The following ZAN variants were observed in gnomAD, a reference collection of about 807,000 sequenced individuals.
The protein encoded by ZAN is zonadhesin (gene/pseudogene).
Under a neutral mutation model 286.2 loss-of-function variants are expected in ZAN, and 260 were observed. That is an observed-to-expected ratio of 0.91 (90% confidence interval 0.82 to 1.01). The LOEUF is 1.01. Among genes scored for constraint, ZAN ranks in the 50% least tolerant of loss-of-function variants. The pLI, the probability that ZAN is intolerant of heterozygous loss-of-function variation, is 0.00. For synonymous variants in ZAN, 1,368 were observed against 1,417.5 expected (o/e 0.97, Z 0.79); for missense variants, 3,410 against 3,639.2 (o/e 0.94, Z 1.62).
intron 34 of ZAN, among the ~76,000 whole-genome samples, chr7:100,777,316 T>A (rs1203048493): frequency 1.3e-5 from 2 of 151,418 alleles, no homozygotes; most frequent in Non-Finnish European, 1.5e-5. Context: ...AAGTGCTGGG[T>A]AATCATGAGC....
chr7:100,771,765 A>G (rs960793049), intron 28 of ZAN, 79 bp from the exon 29 acceptor site: 13 of 1,457,794 alleles, frequency 8.9e-6, no homozygotes, highest in Non-Finnish European at 1.2e-5. Flanking sequence ...GTGGATGTCG[A>G]ATCAGCCCCA....
In ZAN at chr7:100,736,914, CCCA is replaced by C. The variant is rs775600135; in HGVS notation, c.364_366del (p.His122del). 53 of 1,494,784 alleles carry C rather than the reference CCCA, an allele frequency of 3.5e-5. 11 individuals are homozygous for C. Among genetic ancestry groups the C allele is most frequent in the Non-Finnish European group, 4.5e-5 (49 of 1,093,586 alleles). The allele number at this position is 1,494,784 out of a possible 1,614,324, so 92.6% of individuals were successfully genotyped here. ...CAAGGCCCCCTCTGTGTGCACTTTG[CCCA>C]CCACATGTTCGGGCTGTCTTGGGGC... On this transcript the variant is annotated inframe_deletion, in exon 5 of 48. Coordinates refer to ENST00000613979, the MANE Select transcript of ZAN (RefSeq NM_003386.3).
At position 100,779,713 on chromosome 7, in the gene ZAN, G is replaced by A. The variant is rs1562949799; in HGVS notation, c.6585G>A (p.Gly2195=). Residue 2195 remains glycine (G), a synonymous_variant, in exon 35 of 48, where the codon GGG becomes GGA. Coordinates refer to ENST00000613979, the MANE Select transcript of ZAN (RefSeq NM_003386.3). Reference sequence around the variant, plus strand: ...TCGGGGCCACCTGCCAGAGCCAGGGGCTCAAGCCCCCACTCTGGAGAAACA... The same window carrying A: ...TCGGGGCCACCTGCCAGAGCCAGGGACTCAAGCCCCCACTCTGGAGAAACA... ...QAFGATCQSQ[G]LKPPLWRNSS... 2 of 1,557,054 alleles carry A rather than the reference G, an allele frequency of 1.3e-6. No homozygotes were observed. Among genetic ancestry groups the A allele is most frequent in the African/African-American group, 2.7e-5 (2 of 73,336 alleles).
chr7:100,785,486 CT>C (rs932357307), intron 36 of ZAN, among the ~76,000 whole-genome samples: 1 of 151,948 alleles, frequency 6.6e-6, no homozygotes, highest in African/African-American at 2.4e-5. Flanking sequence ...CCGCCTTGGC[CT>C]CCCAAAGTAC....
rs1422784416 is a variant in ZAN at position 100,737,029 on chromosome 7, C to T, written c.474C>T (p.Ser158=). Residue 158 remains serine (S), a synonymous_variant, in exon 5 of 48, where the codon TCC becomes TCT. Transcript: ENST00000613979. ...AACACTGGAACACCCAGAGACCCTC[C>T]TGGATGCTCACCACCGTCACTGTGC... The part of the protein sequence containing the change: ...LWKHWNTQRP[S]WMLTTVTVPA... 2.0e-6 allele frequency: 3 copies of T among 1,499,690 alleles called. 1 individual carries two copies. Among genetic ancestry groups the T allele is most frequent in the South Asian group, 1.2e-5 (1 of 85,870 alleles). 92.9% of individuals were successfully genotyped at this position (1,499,690 alleles called of 1,614,324 possible).
chr7:100,756,428 CAAAA>C (rs111465837), intron 15 of ZAN, among the ~76,000 whole-genome samples: 1 of 141,908 alleles, frequency 7.0e-6, no homozygotes, highest in Admixed American at 7.2e-5. Context: ...CACCCTGTCT[CAAAA>C]AAAAAAAAAG....
intron 45 of ZAN, among the ~76,000 whole-genome samples, chr7:100,796,346 C>T (rs1279658278): frequency 6.6e-6 from 1 of 150,978 alleles, no homozygotes; most frequent in African/African-American, 2.4e-5. Context: ...GACGGGGTAA[C>T]TTGTGTACAT....
intron 25 of ZAN, among the ~76,000 whole-genome samples, chr7:100,767,562 A>G (rs1456496109): frequency 7.9e-6 from 1 of 126,564 alleles, no homozygotes; most frequent in Non-Finnish European, 1.6e-5. Context: ...TGTGGCCTTG[A>G]CCCCCTGGGC....
chr7:100,734,672 G>T lies in ZAN; in HGVS notation c.53+451G>T, dbSNP rs1257606538. On this transcript the variant is annotated intron_variant, in intron 2 of 47. Coordinates refer to ENST00000613979, the MANE Select transcript of ZAN (RefSeq NM_003386.3). ...TGAGAGGAAGGGGGAAACCCGGTGG[G>T]ATGGAAATGGGTTGACCTTGACTGC... is the stretch of plus-strand genomic sequence containing the variant. Among the ~76,000 whole-genome samples the T allele has an allele frequency of 1.4e-5, 2 of 140,154 alleles. 1 individual carries two copies. Among genetic ancestry groups the T allele is most frequent in the Non-Finnish European group, 3.2e-5 (2 of 62,662 alleles). 91.9% of individuals were successfully genotyped at this position (140,154 alleles called of 152,430 possible).
In ZAN at chr7:100,765,514, C is replaced by T. The variant is rs534678287; in HGVS notation, c.4430C>T (p.Ser1477Phe). 110 of 1,610,728 alleles carry T rather than the reference C, an allele frequency of 6.8e-5. No individual in the cohort carries two copies. The highest frequency in any genetic ancestry group is 8.7e-5 in the Non-Finnish European group (103 of 1,178,622). The stretch of plus-strand genomic sequence containing the variant: ...AGTGGCCTCGAGTGCATACCTCGCT[C>T]CCAGTGTGGGTGCCTCCACCCTGCA... ...VLSGLECIPR[S>F]QCGCLHPAGS... Residue 1477 changes from serine (S) to phenylalanine (F), a missense_variant, in exon 23 of 48, where the codon TCC becomes TTC. Physicochemically the swap from Ser to Phe is radical, Grantham distance 155 (BLOSUM62 -2). Transcript: ENST00000613979.
Position 100,746,701 on chromosome 7 carries a change from G to A in ZAN, c.930G>A (p.Leu310=), listed in dbSNP as rs1395922368. ...GAALHIYASV[L]GSIRKHTLFS... is the part of the protein sequence containing the mutation. ...CCCTCCACATTTATGCTTCAGTCTTGGGTTAGAGCGGAGAATTAATGGGAT... is the reference window on the plus strand; with the variant it reads ...CCCTCCACATTTATGCTTCAGTCTTAGGTTAGAGCGGAGAATTAATGGGAT... The change falls in exon 8 of 48, where the codon TTG becomes TTA. Residue 310 remains leucine (L), a splice_region_variant and synonymous_variant. Transcript: ENST00000613979. 6.2e-7 allele frequency: 1 copy of A among 1,613,828 alleles called. No individual in the cohort carries two copies. Among genetic ancestry groups the A allele is most frequent in the South Asian group, 1.1e-5 (1 of 91,066 alleles).
chr7:100,760,311 C>A, intron 18 of ZAN, 80 bp from the exon 19 acceptor site: 1 of 1,562,400 alleles, frequency 6.4e-7, no homozygotes, highest in South Asian at 1.2e-5. Flanking sequence ...TCCTGCCTCC[C>A]AGCTATGGAA....
chr7:100,774,543 T>A (rs1309099118), intron 31 of ZAN, among the ~76,000 whole-genome samples: 1 of 151,778 alleles, frequency 6.6e-6, no homozygotes, highest in Non-Finnish European at 1.5e-5. Flanking sequence ...AAAGTAAAAT[T>A]AAAGACATTG....
intron 11 of ZAN, among the ~76,000 whole-genome samples, chr7:100,749,651 A>AAT (rs1247548413): frequency 0.037 from 4,075 of 109,156 alleles, 130 homozygotes; most frequent in Middle Eastern, 0.054. Flanking sequence ...AAAAAAAAAA[A>AAT]ATATATATAT....
In ZAN at chr7:100,734,430, C is replaced by T. The variant is rs1370100099; in HGVS notation, c.53+209C>T. Among the ~76,000 whole-genome samples the T allele has an allele frequency of 3.6e-5, 5 of 139,444 alleles. 2 individuals carry two copies. The highest frequency in any genetic ancestry group is 8.0e-5 in the Non-Finnish European group (5 of 62,392). 91.5% of individuals were successfully genotyped at this position (139,444 alleles called of 152,430 possible). ...GTCAGGAGATCGAGACCATCCTGGCCAACATGGTGAAACCTCGTCTCTACT... is the reference window on the plus strand; with the variant it reads ...GTCAGGAGATCGAGACCATCCTGGCTAACATGGTGAAACCTCGTCTCTACT... On this transcript the variant is annotated intron_variant, in intron 2 of 47. Coordinates refer to ENST00000613979, the MANE Select transcript of ZAN (RefSeq NM_003386.3).
rs1244709881 is a variant in ZAN, at chr7:100,766,897, G to A, written c.4613-113G>A. 2.6e-5 allele frequency: 40 copies of A among 1,536,920 alleles called. No homozygotes were observed. The East Asian group carries it at 8.6e-4, about 33-fold the overall frequency. On this transcript the variant is annotated intron_variant, in intron 24 of 47. Transcript: ENST00000613979. The stretch of plus-strand genomic sequence containing the variant: ...CACTTCCTAGGGAAACACCACATCT[G>A]TGGGTGGGCCGTGGGGACCATGCCA...
chr7:100,750,577 A>G (rs1241652216), intron 11 of ZAN, 48 bp from the exon 12 acceptor site: 3 of 1,596,484 alleles, frequency 1.9e-6, no homozygotes, highest in Admixed American at 3.5e-5. Flanking sequence ...AGCAGTTGGC[A>G]TGTCCTGTGC....
At chr7:100,780,828 A>G (rs2116228334) in intron 35 of ZAN, among the ~76,000 whole-genome samples, 1 of 151,706 alleles carries the variant, frequency 6.6e-6, no homozygotes, top group Non-Finnish European at 1.5e-5. Flanking sequence ...AGTGACTGAC[A>G]CCCGTAATCC....
In ZAN at chr7:100,779,738, A is replaced by C; in HGVS notation, c.6610A>C (p.Ser2204Arg). The C allele has an allele frequency of 6.4e-7, 1 of 1,553,194 alleles. No individual in the cohort carries two copies. Among genetic ancestry groups the C allele is most frequent in the Non-Finnish European group, 8.7e-7 (1 of 1,148,842 alleles). ...GCTCAAGCCCCCACTCTGGAGAAAC[A>C]GCAGCTTCTGCCGTGAGTGTGCCCT... ...QGLKPPLWRN[S>R]SFCPLECPAY... Residue 2204 changes from serine (S) to arginine (R), a missense_variant, in exon 35 of 48, where the codon AGC becomes CGC. This residue lies in a region of ZAN where 1,289 missense variants were observed against 1,314.3 expected (regional missense o/e 0.98). Transcript: ENST00000613979.
Sources: gnomAD v4.1 joint callset for allele counts (sites outside exome capture counted in the v4.1 genomes callset) on GRCh38, gnomAD v4.1.1 for gene constraint, gnomAD v4.1.1 regional missense constraint, MANE v1.5 for transcripts, NCBI Gene and HGNC (gene_info 2026-07-23, HGNC 2026-07-21) for gene names.